Variants in PLXDC2 observed in about 807,000 individuals in gnomAD.
The protein encoded by PLXDC2 is plexin domain containing 2.
PLXDC2 carries 40 observed loss-of-function variants against 68.9 expected under a neutral mutation model. The observed-to-expected ratio is 0.58, with a 90% CI of 0.45 to 0.76. The LOEUF is 0.76. Among genes scored for constraint, PLXDC2 ranks in the 30% least tolerant of loss-of-function variants. PLXDC2 has a pLI of 0.00. For synonymous variants in PLXDC2, 243 were observed against 234.2 expected (o/e 1.04, Z -0.34); for missense variants, 644 against 661.9 (o/e 0.97, Z 0.30).
At chr10:19,990,370 A>G (rs1189702462) in intron 1 of PLXDC2, among the ~76,000 whole-genome samples, 1 of 152,220 alleles carries the variant, frequency 6.6e-6, no homozygotes, top group Non-Finnish European at 1.5e-5. Context: ...CCACACCCTT[A>G]GAAGGAATTT....
chr10:20,243,866 C>G (rs929521209), intron 12 of PLXDC2, among the ~76,000 whole-genome samples: 2 of 152,060 alleles, frequency 1.3e-5, no homozygotes, highest in African/African-American at 2.4e-5. Flanking sequence ...CAAGACCAGA[C>G]TGGCCAACAT....
At chr10:20,093,158 A>G (rs1035078897) in intron 4 of PLXDC2, among the ~76,000 whole-genome samples, 72 of 152,308 alleles carry the variant, frequency 4.7e-4, no homozygotes, top group Non-Finnish European at 8.2e-4. Flanking sequence ...TATTGATACA[A>G]GTCTAGGGAA....
intron 1 of PLXDC2, among the ~76,000 whole-genome samples, chr10:19,912,058 C>A (rs1285898333): frequency 6.6e-6 from 1 of 152,168 alleles, no homozygotes; most frequent in Non-Finnish European, 1.5e-5. Context: ...TTTTCTCAAA[C>A]TGATTCCACA....
At chr10:20,094,815 G>T (rs1833326818) in intron 4 of PLXDC2, among the ~76,000 whole-genome samples, 1 of 152,080 alleles carries the variant, frequency 6.6e-6, no homozygotes, top group Admixed American at 6.6e-5. Context: ...TTTTTCCTCT[G>T]GGACTCATGT....
At chr10:20,163,579 G>A (rs1033016660) in intron 6 of PLXDC2, among the ~76,000 whole-genome samples, 4 of 151,932 alleles carry the variant, frequency 2.6e-5, no homozygotes, top group Non-Finnish European at 5.9e-5. Context: ...GCCTAAAGAC[G>A]TTTTCGGTGC....
At chr10:20,271,887 G>C (rs11814474) in intron 13 of PLXDC2, among the ~76,000 whole-genome samples, 37,383 of 152,044 alleles carry the variant, frequency 0.25, 4,722 homozygotes, top group African/African-American at 0.3. Context: ...AAATCTCATT[G>C]GTTAGCTCCC....
At chr10:19,988,776 C>CTTTTTT (rs552950916) in intron 1 of PLXDC2, among the ~76,000 whole-genome samples, 2 of 45,460 alleles carry the variant, frequency 4.4e-5, no homozygotes, top group African/African-American at 8.6e-5. Flanking sequence ...AATAATGCCA[C>CTTTTTT]TTTTTTTTTT....
At chr10:20,227,355 A>T (rs1210865077) in intron 12 of PLXDC2, among the ~76,000 whole-genome samples, 1 of 152,212 alleles carries the variant, frequency 6.6e-6, no homozygotes, top group African/African-American at 2.4e-5. Flanking sequence ...TATCTAAACA[A>T]AAATGAAATT....
At chr10:19,830,271 G>A (rs1486210060) in intron 1 of PLXDC2, among the ~76,000 whole-genome samples, 3 of 152,164 alleles carry the variant, frequency 2.0e-5, no homozygotes, top group Non-Finnish European at 4.4e-5. Flanking sequence ...TTCAACAAAA[G>A]AATCAATACA....
chr10:19,920,378 A>G (rs1376671792), intron 1 of PLXDC2, among the ~76,000 whole-genome samples: 2 of 152,200 alleles, frequency 1.3e-5, no homozygotes, highest in Non-Finnish European at 2.9e-5. Flanking sequence ...TCCTGTGCCT[A>G]TAAAAACCCC....
chr10:19,883,498 G>T (rs1446293554), intron 1 of PLXDC2, among the ~76,000 whole-genome samples: 1 of 151,956 alleles, frequency 6.6e-6, no homozygotes, highest in Non-Finnish European at 1.5e-5. Context: ...TGTCTGTATA[G>T]GTTGCTCTAC....
intron 3 of PLXDC2, among the ~76,000 whole-genome samples, chr10:20,049,195 T>C (rs753299733): frequency 6.6e-6 from 1 of 151,998 alleles, no homozygotes; most frequent in Non-Finnish European, 1.5e-5. Flanking sequence ...AAACTAGGCA[T>C]GGAAGGAACA....
chr10:19,914,133 GGAAA>G (rs1833325024), intron 1 of PLXDC2, among the ~76,000 whole-genome samples: 1 of 150,450 alleles, frequency 6.6e-6, no homozygotes, highest in African/African-American at 2.5e-5. Flanking sequence ...TAGGGAGGAA[GGAAA>G]GAAGGAAGGA....
At chr10:20,189,805 T>C (rs1834740678) in intron 9 of PLXDC2, among the ~76,000 whole-genome samples, 1 of 151,582 alleles carries the variant, frequency 6.6e-6, no homozygotes, top group Non-Finnish European at 1.5e-5. Flanking sequence ...TATCTACTTA[T>C]TAATAATCTA....
intron 2 of PLXDC2, among the ~76,000 whole-genome samples, chr10:20,044,122 T>TCCTTCCTTCCTTCCTCCCTCCCTC (rs71388894): frequency 2.5e-4 from 25 of 99,722 alleles, no homozygotes; most frequent in African/African-American, 7.0e-4. Flanking sequence ...CTTCCTTCCT[T>TCCTTCCTTCCTTCCTCCCTCCCTC]CCTCCCTCCC....
At chr10:20,195,692 A>G (rs142915549) in intron 9 of PLXDC2, among the ~76,000 whole-genome samples, 1 of 152,098 alleles carries the variant, frequency 6.6e-6, no homozygotes, top group Non-Finnish European at 1.5e-5. Context: ...TAGGAAAAAG[A>G]TGTTTCCTTG....
chr10:20,028,050 G>C (rs538290601), intron 2 of PLXDC2, among the ~76,000 whole-genome samples: 1 of 152,186 alleles, frequency 6.6e-6, no homozygotes, highest in Non-Finnish European at 1.5e-5. Flanking sequence ...ACTCTTTAAG[G>C]ATAAATTGAA....
intron 4 of PLXDC2, among the ~76,000 whole-genome samples, chr10:20,101,629 T>C (rs373714722): frequency 4.6e-5 from 7 of 152,282 alleles, no homozygotes; most frequent in Admixed American, 3.9e-4. Flanking sequence ...AAACTTCAGC[T>C]GCTCAAGTCA....
At chr10:19,835,912 C>T (rs943379291) in intron 1 of PLXDC2, among the ~76,000 whole-genome samples, 1 of 152,040 alleles carries the variant, frequency 6.6e-6, no homozygotes, top group African/African-American at 2.4e-5. Flanking sequence ...TGGCTCACAG[C>T]CATAATTTCA....
Sources: allele counts gnomAD v4.1 joint callset (sites outside exome capture counted in the v4.1 genomes callset), GRCh38; gene constraint gnomAD v4.1.1; transcripts MANE v1.5; gene names NCBI Gene and HGNC (gene_info 2026-07-23, HGNC 2026-07-21).